Variants in GLDN observed in about 807,000 individuals in gnomAD.
GLDN encodes the protein collomin.
GLDN carries 47 observed loss-of-function variants against 56.5 expected under a neutral mutation model. That is an observed-to-expected ratio of 0.83 (90% CI 0.66 to 1.06). The LOEUF (loss-of-function observed/expected upper bound fraction) is 1.06. GLDN is among the 50% of genes least tolerant of loss of function. GLDN has a pLI of 0.00. For synonymous variants in GLDN, 332 were observed against 278.8 expected (o/e 1.19, Z -1.90); for missense variants, 782 against 714.3 (o/e 1.09, Z -1.08).
chr15:51,382,307 G>C (rs549110614), intron 2 of GLDN, among the ~76,000 whole-genome samples: 5 of 152,218 alleles, frequency 3.3e-5, no homozygotes, highest in East Asian at 3.9e-4. Flanking sequence ...GTTTCAAAGA[G>C]TCCATCTTTC....
chr15:51,360,731 C>G (rs1366697839), intron 1 of GLDN, among the ~76,000 whole-genome samples: 1 of 152,196 alleles, frequency 6.6e-6, no homozygotes, highest in Admixed American at 6.5e-5. Context: ...TCTCACATGC[C>G]TTTCTTATCA....
At position 51,394,842 on chromosome 15, in the gene GLDN, T is replaced by G; in HGVS notation, c.549T>G (p.Pro183=). The G allele has an allele frequency of 6.2e-7, 1 of 1,613,780 alleles. No individual in the cohort carries two copies. The highest frequency in any genetic ancestry group is 8.5e-7 in the Non-Finnish European group (1 of 1,179,866). ...ANGKRGKMGI[P]GAAGNPGERG... is the part of the protein sequence containing the mutation. ...TTTTGTTTTTTTGGTCAGGGATACC[T>G]GGAGCTGCAGGAAATCCAGGGGAAA... Residue 183 remains proline, a synonymous_variant, in exon 5 of 10, where the codon CCT becomes CCG. Transcript: ENST00000335449.
intron 1 of GLDN, among the ~76,000 whole-genome samples, chr15:51,371,066 T>C (rs1003361064): frequency 5.9e-5 from 9 of 152,034 alleles, no homozygotes; most frequent in African/African-American, 2.2e-4. Context: ...GGGGGAAGAA[T>C]ATCAGTTGTT....
chr15:51,352,893 A>G (rs1164118767), intron 1 of GLDN, among the ~76,000 whole-genome samples: 1 of 152,044 alleles, frequency 6.6e-6, no homozygotes, highest in Non-Finnish European at 1.5e-5. Context: ...CCCCTCCCCA[A>G]AATGAACTCC....
chr15:51,384,946 C>T (rs548321799), intron 4 of GLDN: 1 of 152,308 alleles, frequency 6.6e-6, no homozygotes, highest in Admixed American at 6.5e-5. Context: ...CTCTTATTCT[C>T]ATTAGCAATT....
chr15:51,383,166 T>A (rs982079985), intron 2 of GLDN, among the ~76,000 whole-genome samples: 4 of 152,334 alleles, frequency 2.6e-5, no homozygotes, highest in Admixed American at 2.6e-4. Flanking sequence ...GTTGACTGCT[T>A]GAGAGATGAC....
At chr15:51,370,566 A>G (rs1019167448) in intron 1 of GLDN, among the ~76,000 whole-genome samples, 13 of 152,166 alleles carry the variant, frequency 8.5e-5, no homozygotes, top group Non-Finnish European at 1.8e-4. Flanking sequence ...TCGTGAGAAC[A>G]TGATGTTTGG....
At chr15:51,361,123 C>T (rs2037291994) in intron 1 of GLDN, among the ~76,000 whole-genome samples, 1 of 152,188 alleles carries the variant, frequency 6.6e-6, no homozygotes, top group South Asian at 2.1e-4. Context: ...ATGATTCCAG[C>T]AGTACTCCTG....
Position 51,377,462 on chromosome 15 carries a change from T to C in GLDN, c.377T>C (p.Val126Ala), listed in dbSNP as rs2037657938. 3 of 1,613,996 alleles carry C rather than the reference T, an allele frequency of 1.9e-6. No homozygotes were observed. Among genetic ancestry groups the C allele is most frequent in the Non-Finnish European group, 1.7e-6 (2 of 1,179,876 alleles). ...TCTCCCCTGCAGATCCGAGTGATGG[T>C]GGACCTGTGCAACAGCACCAAGGGC... ...TYSMVPIRVM[V>A]DLCNSTKGIC... is the part of the protein sequence containing the mutation. Residue 126 changes from valine to alanine, a missense_variant, in exon 2 of 10, where the codon GTG (valine) becomes GCG (alanine). Val to Ala is a moderately conservative substitution (Grantham distance 64). Coordinates refer to ENST00000335449, the MANE Select transcript of GLDN (RefSeq NM_181789.4).
chr15:51,404,484 C>A lies in GLDN; in HGVS notation c.1386C>A (p.His462Gln). ...AGAGGACATTCTCAGTGGTGCAACA[C>A]GTCAATACCACGTACCCTAAATCCA... is the stretch of plus-strand genomic sequence containing the variant. ...LDERTFSVVQ[H>Q]VNTTYPKSKA... Residue 462 changes from histidine to glutamine, a missense_variant, in exon 10 of 10, where the codon CAC (histidine) becomes CAA (glutamine). Transcript: ENST00000335449. 2 of 1,614,118 alleles carry A rather than the reference C, an allele frequency of 1.2e-6. No homozygotes were observed. The highest frequency in any genetic ancestry group is 8.5e-7 in the Non-Finnish European group (1 of 1,180,018).
At chr15:51,350,396 T>C (rs1385782068) in intron 1 of GLDN, among the ~76,000 whole-genome samples, 1 of 151,920 alleles carries the variant, frequency 6.6e-6, no homozygotes, top group East Asian at 1.9e-4. Context: ...TACAGGAGGA[T>C]TAAAAAAGAA....
In GLDN at chr15:51,404,780, A is replaced by C. The variant is rs1566954249; in HGVS notation, c.*26A>C. On this transcript the variant is annotated 3_prime_UTR_variant, in exon 10 of 10. Coordinates refer to ENST00000335449, the MANE Select transcript of GLDN (RefSeq NM_181789.4). ...TGTGCTGCATTCGGCTCCCTTCAGCAAATTTCAGGGGTTTTCTGGGACCAG... is the reference window on the plus strand; with the variant it reads ...TGTGCTGCATTCGGCTCCCTTCAGCCAATTTCAGGGGTTTTCTGGGACCAG... The C allele has an allele frequency of 8.2e-7, 1 of 1,225,354 alleles. No homozygotes were observed. Among genetic ancestry groups the C allele is most frequent in the Non-Finnish European group, 1.2e-6 (1 of 845,848 alleles). 75.9% of individuals were successfully genotyped at this position (1,225,354 alleles called of 1,614,324 possible).
intron 1 of GLDN, among the ~76,000 whole-genome samples, chr15:51,350,190 C>T (rs1157547602): frequency 6.6e-6 from 1 of 152,184 alleles, no homozygotes; most frequent in Non-Finnish European, 1.5e-5. Context: ...GGCTGTAGGG[C>T]TGAGCCAGGC....
chr15:51,395,422 T>C (rs2038105607), intron 5 of GLDN, among the ~76,000 whole-genome samples: 1 of 152,168 alleles, frequency 6.6e-6, no homozygotes, highest in Admixed American at 6.5e-5. Flanking sequence ...CAAAATATTG[T>C]TGTGCCAAGC....
At chr15:51,342,075 G>C (rs773260585) in intron 1 of GLDN, 28 bp downstream of exon 1, 1 of 1,587,748 alleles carries the variant, frequency 6.3e-7, no homozygotes, top group African/African-American at 1.4e-5. Context: ...TCCCCGTGGC[G>C]CCCCGGCCAG....
chr15:51,359,084 C>T (rs1402384235), intron 1 of GLDN, among the ~76,000 whole-genome samples: 4 of 152,150 alleles, frequency 2.6e-5, no homozygotes, highest in Admixed American at 6.5e-5. Context: ...GCCCTAATGG[C>T]CCAAAAGGAA....
rs762047242 is a variant in GLDN at position 51,406,665 on chromosome 15, G to C, written c.*1911G>C. 6.6e-6 allele frequency: 1 copy of C among 152,090 alleles called. No individual in the cohort carries two copies. Among genetic ancestry groups the C allele is most frequent in the Non-Finnish European group, 1.5e-5 (1 of 68,014 alleles). The allele number at this position is 152,090 out of a possible 1,614,324, so 9.4% of individuals were successfully genotyped here. A position where few individuals can be genotyped will look rare whatever the true frequency, so the allele number is the denominator to read the frequency against. ...AAAATATAAGAAAATAAAACTTAGG[G>C]GATATACAGATTTAAATATTCAAAT... On this transcript the variant is annotated 3_prime_UTR_variant, in exon 10 of 10. Coordinates refer to ENST00000335449, the MANE Select transcript of GLDN (RefSeq NM_181789.4).
intron 1 of GLDN, among the ~76,000 whole-genome samples, chr15:51,358,950 A>T (rs925446616): frequency 6.6e-6 from 1 of 152,094 alleles, no homozygotes; most frequent in African/African-American, 2.4e-5. Flanking sequence ...TTTTTTTCTC[A>T]CTAGGGGATA....
At chr15:51,357,905 C>T (rs2037217800) in intron 1 of GLDN, among the ~76,000 whole-genome samples, 1 of 152,138 alleles carries the variant, frequency 6.6e-6, no homozygotes, top group African/African-American at 2.4e-5. Context: ...CCCCCATGGG[C>T]ACAGACCTGT....
Sources: allele counts gnomAD v4.1 joint callset (sites outside exome capture counted in the v4.1 genomes callset), GRCh38; gene constraint gnomAD v4.1.1; transcripts MANE v1.5; gene names NCBI Gene and HGNC (gene_info 2026-07-23, HGNC 2026-07-21).